DNAJC11: variants seen among roughly 807,000 people sequenced by gnomAD.
DNAJC11 encodes dnaJ homolog subfamily C member 11.
In DNAJC11, 15 loss-of-function variants were observed where a neutral mutation model predicts 78.6. That is an observed-to-expected ratio of 0.19 (90% CI 0.13 to 0.29). DNAJC11 has a LOEUF of 0.29. Ranked by LOEUF, DNAJC11 falls within the 10% of genes least tolerant of loss-of-function variation. The probability of loss-of-function intolerance (pLI) is 1.00; values close to 1 mark genes in which losing one functional copy is unlikely to be tolerated. For missense variants in DNAJC11, 547 were observed against 709.6 expected (o/e 0.77, Z 2.60); for synonymous variants, 292 against 272.1 (o/e 1.07, Z -0.72).
intron 1 of DNAJC11, among the ~76,000 whole-genome samples, chr1:6,691,591 T>C (rs190258593): frequency 1.1e-4 from 17 of 152,332 alleles, no homozygotes; most frequent in African/African-American, 2.2e-4. Flanking sequence ...TCATCCGTTA[T>C]ACCCTGCCTA....
At chr1:6,701,026 G>A (rs1407387281) in intron 1 of DNAJC11, among the ~76,000 whole-genome samples, 1 of 152,198 alleles carries the variant, frequency 6.6e-6, no homozygotes, top group Non-Finnish European at 1.5e-5. Flanking sequence ...TATTCGTTGA[G>A]GAGACAGGGT....
chr1:6,638,149 C>T, intron 12 of DNAJC11, 146 bp downstream of exon 12: 1 of 703,680 alleles, frequency 1.4e-6, no homozygotes, highest in Non-Finnish European at 2.3e-6. Context: ...CTGCAGAGCC[C>T]AGTGTCGCAT....
At chr1:6,695,825 T>C (rs1317536207) in intron 1 of DNAJC11, among the ~76,000 whole-genome samples, 1 of 149,788 alleles carries the variant, frequency 6.7e-6, no homozygotes, top group Non-Finnish European at 1.5e-5. Flanking sequence ...AAAAAAGAAA[T>C]TGAGAAACAG....
chr1:6,670,383 C>T (rs1185677858), intron 3 of DNAJC11: 1 of 152,068 alleles, frequency 6.6e-6, no homozygotes, highest in Non-Finnish European at 1.5e-5. Flanking sequence ...TCTATGCATG[C>T]TTATGTACCT....
rs1331456667 is a variant in DNAJC11 at position 6,640,006 on chromosome 1, C to T, written c.1149G>A (p.Gln383=). ...CATAGAACATGGCGCTGGGCAGAAGCTGGTCCGTCAAGTGAATAGGGAAGA... is the reference window on the plus strand; with the variant it reads ...CATAGAACATGGCGCTGGGCAGAAGTTGGTCCGTCAAGTGAATAGGGAAGA... ...TYFFPIHLTD[Q]LLPSAMFYAT... is the part of the protein sequence containing the mutation. Residue 383 remains glutamine (Q), a synonymous_variant, in exon 11 of 16, where the codon CAG becomes CAA. Coordinates refer to ENST00000377577, the MANE Select transcript of DNAJC11 (RefSeq NM_018198.4). 1 of 1,600,016 alleles carries T rather than the reference C, an allele frequency of 6.2e-7. No homozygotes were observed. The highest frequency in any genetic ancestry group is 1.4e-5 in the African/African-American group (1 of 72,914).
At position 6,671,050 on chromosome 1, in the gene DNAJC11, C is replaced by T. The variant is rs1463390638; in HGVS notation, c.277-3240G>A. 15 of 152,260 alleles carry T rather than the reference C, an allele frequency of 9.9e-5. No homozygotes were observed. In the East Asian group the frequency reaches 2.9e-3, roughly 29 times the overall value. The allele number at this position is 152,260 out of a possible 1,614,324, so 9.4% of individuals were successfully genotyped here. A position where few individuals can be genotyped will look rare whatever the true frequency, so the allele number is the denominator to read the frequency against. ...TGACTTTACAGCCCAATTCAGTGGA[C>T]CTGACTGTGGAGCCACAGTTTCTCT... On this transcript the variant is annotated intron_variant, in intron 3 of 15. Transcript: ENST00000377577.
intron 12 of DNAJC11, chr1:6,637,997 G>A: frequency 2.5e-6 from 1 of 393,016 alleles, no homozygotes; most frequent in Non-Finnish European, 4.6e-6. Flanking sequence ...CTGGCAGTAT[G>A]CTCGCCACAT....
intron 7 of DNAJC11, chr1:6,650,975 C>T (rs1419778066): frequency 6.1e-6 from 3 of 490,110 alleles, no homozygotes; most frequent in African/African-American, 5.9e-5. Context: ...TACCCTCCAC[C>T]AATTCTTTTA....
At position 6,637,142 on chromosome 1, in the gene DNAJC11, G is replaced by C. The variant is rs539620399; in HGVS notation, c.1524+56C>G. The C allele has an allele frequency of 1.1e-5, 17 of 1,606,528 alleles. No homozygotes were observed. The South Asian group carries it at 1.7e-4, about 16-fold the overall frequency. Reference sequence around the variant, plus strand: ...TAGGATTATAGGCCTGAGTCACCGCGCCCAGCCTGTTCAAATCTGTGAGCA... The same window carrying C: ...TAGGATTATAGGCCTGAGTCACCGCCCCCAGCCTGTTCAAATCTGTGAGCA... On this transcript the variant is annotated intron_variant, in intron 14 of 15. Coordinates refer to ENST00000377577, the MANE Select transcript of DNAJC11 (RefSeq NM_018198.4).
At chr1:6,667,861 G>A (rs1199475893) in intron 3 of DNAJC11, 51 bp from the exon 4 acceptor site, 2 of 1,536,812 alleles carry the variant, frequency 1.3e-6, no homozygotes, top group South Asian at 2.2e-5. Flanking sequence ...GGAGGTAAGG[G>A]AAACGTACAC....
intron 1 of DNAJC11, among the ~76,000 whole-genome samples, chr1:6,690,590 G>A (rs1236882579): frequency 2.0e-5 from 3 of 152,290 alleles, no homozygotes; most frequent in East Asian, 1.9e-4. Context: ...GCTTAAACAC[G>A]CAAGGGGTGG....
intron 4 of DNAJC11, among the ~76,000 whole-genome samples, chr1:6,657,804 C>T (rs1642152715): frequency 6.6e-6 from 1 of 152,104 alleles, no homozygotes; most frequent in East Asian, 1.9e-4. Context: ...GCCACCACGC[C>T]CGGCTAATTT....
At chr1:6,684,296 G>A (rs968007993) in intron 1 of DNAJC11, among the ~76,000 whole-genome samples, 9 of 152,162 alleles carry the variant, frequency 5.9e-5, no homozygotes, top group Non-Finnish European at 8.8e-5. Context: ...TGGCCAGGCT[G>A]GTCTTGAACT....
intron 1 of DNAJC11, among the ~76,000 whole-genome samples, chr1:6,681,844 T>C (rs1350793317): frequency 6.6e-6 from 1 of 152,102 alleles, no homozygotes; most frequent in African/African-American, 2.4e-5. Flanking sequence ...AGGTCTGCTT[T>C]TGGGAAGTGT....
At chr1:6,674,683 G>A (rs1234310243) in intron 3 of DNAJC11, among the ~76,000 whole-genome samples, 2 of 151,762 alleles carry the variant, frequency 1.3e-5, no homozygotes, top group Non-Finnish European at 2.9e-5. Context: ...AGCCACGATC[G>A]TGCCACTACA....
intron 4 of DNAJC11, among the ~76,000 whole-genome samples, chr1:6,662,109 G>A (rs542965289): frequency 4.9e-4 from 68 of 138,674 alleles, no homozygotes; most frequent in African/African-American, 1.5e-3. Flanking sequence ...ACGCCACCAT[G>A]CCCAGTTAAT....
intron 3 of DNAJC11, among the ~76,000 whole-genome samples, chr1:6,674,498 T>C (rs887282381): frequency 2.0e-5 from 3 of 152,016 alleles, no homozygotes; most frequent in Non-Finnish European, 2.9e-5. Flanking sequence ...GAAGCAGAGG[T>C]TGCAGTGAGC....
Position 6,634,665 on chromosome 1 carries a change from C to A in DNAJC11, c.*1010G>T. On this transcript the variant is annotated 3_prime_UTR_variant, in exon 16 of 16. Transcript: ENST00000377577. Reference sequence around the variant, plus strand: ...GGCCGTGGAGGGGGTCCTAGCTCCGCTGCATTCTGCATCCCAAGTGGGCAC... The same window carrying A: ...GGCCGTGGAGGGGGTCCTAGCTCCGATGCATTCTGCATCCCAAGTGGGCAC... 7.3e-7 allele frequency: 1 copy of A among 1,366,422 alleles called. No homozygotes were observed. The highest frequency in any genetic ancestry group is 9.8e-7 in the Non-Finnish European group (1 of 1,021,810). 84.6% of individuals were successfully genotyped at this position (1,366,422 alleles called of 1,614,324 possible).
chr1:6,646,396 C>T (rs1298401260), intron 7 of DNAJC11, among the ~76,000 whole-genome samples: 8 of 152,214 alleles, frequency 5.3e-5, no homozygotes, highest in Non-Finnish European at 1.0e-4. Context: ...CCACAAATCA[C>T]GGCTGGTGGC....
Sources: allele counts gnomAD v4.1 joint callset (sites outside exome capture counted in the v4.1 genomes callset), GRCh38; gene constraint gnomAD v4.1.1; transcripts MANE v1.5; gene names NCBI Gene and HGNC (gene_info 2026-07-23, HGNC 2026-07-21).